STK32B: variants seen among roughly 807,000 people sequenced by gnomAD.
The protein encoded by STK32B is serine/threonine-protein kinase 32B.
A neutral mutation model predicts 52.6 loss-of-function variants in STK32B; 43 were observed. The ratio of observed to expected loss-of-function variants is 0.82; its 90% CI spans 0.64 to 1.05. The LOEUF is 1.05. STK32B is among the 50% of genes least tolerant of loss of function. STK32B has a pLI of 0.00. For missense variants in STK32B, 621 were observed against 534.6 expected (o/e 1.16, Z -1.59); for synonymous variants, 238 against 204.3 (o/e 1.17, Z -1.41).
intron 1 of STK32B, among the ~76,000 whole-genome samples, chr4:5,060,357 T>G (rs898898660): frequency 6.6e-6 from 1 of 152,242 alleles, no homozygotes; most frequent in East Asian, 1.9e-4. Context: ...GGATCTGTAG[T>G]GATAACTCCT....
chr4:5,230,799 G>C (rs145170635), intron 3 of STK32B, among the ~76,000 whole-genome samples: 14 of 152,304 alleles, frequency 9.2e-5, no homozygotes, highest in African/African-American at 3.4e-4. Context: ...TTACAGAGGG[G>C]AGATGAATCC....
At position 5,287,426 on chromosome 4, in the gene STK32B, A is replaced by T. The variant is rs545359275; in HGVS notation, c.261-43794A>T. Among the ~76,000 whole-genome samples the T allele has an allele frequency of 1.0e-3, 152 of 152,308 alleles. 1 individual carries two copies. The highest frequency in any genetic ancestry group is 3.5e-3 in the African/African-American group (146 of 41,574). ...GCCAATTGGACACCCATTTTAAAAG[A>T]AACTCTTCAAGCCTTTTGCCCATTT... On this transcript the variant is annotated intron_variant, in intron 3 of 11. Coordinates refer to ENST00000282908, the MANE Select transcript of STK32B (RefSeq NM_018401.3).
chr4:5,331,357 C>A lies in STK32B; in HGVS notation c.398C>A (p.Ala133Asp). ...CTCTACATCTGTGAGCTGGCACTGG[C>A]CCTGGAGTATCTTCAGAGGTACCAC... ...VKLYICELAL[A>D]LEYLQRYHII... Residue 133 changes from alanine to aspartate, a missense_variant, in exon 4 of 12, where the codon GCC becomes GAC. Ala to Asp is a moderately radical substitution (Grantham distance 126, BLOSUM62 -2). Coordinates refer to ENST00000282908, the MANE Select transcript of STK32B (RefSeq NM_018401.3). 6.2e-7 allele frequency: 1 copy of A among 1,613,462 alleles called. No individual in the cohort carries two copies.
chr4:5,480,022 G>A (rs1018662083), intron 11 of STK32B, among the ~76,000 whole-genome samples: 3 of 152,118 alleles, frequency 2.0e-5, no homozygotes, highest in African/African-American at 7.2e-5. Context: ...GTATTAATAT[G>A]TACTTCATAG....
At chr4:5,387,082 G>A (rs1380811685) in intron 4 of STK32B, among the ~76,000 whole-genome samples, 1 of 152,190 alleles carries the variant, frequency 6.6e-6, no homozygotes, top group Non-Finnish European at 1.5e-5. Context: ...CGAGAGCTGG[G>A]CGGTGGCCCC....
intron 11 of STK32B, among the ~76,000 whole-genome samples, chr4:5,481,114 G>A (rs184195954): frequency 6.6e-6 from 1 of 152,064 alleles, no homozygotes; most frequent in African/African-American, 2.4e-5. Context: ...GGAATTGCTG[G>A]GTCAAATGTT....
chr4:5,089,080 A>G (rs1712900333), intron 1 of STK32B, among the ~76,000 whole-genome samples: 1 of 152,154 alleles, frequency 6.6e-6, no homozygotes, highest in South Asian at 2.1e-4. Context: ...GATGACTGAA[A>G]GTACTAAAAT....
intron 3 of STK32B, among the ~76,000 whole-genome samples, chr4:5,197,797 T>A (rs755302497): frequency 5.3e-5 from 8 of 152,362 alleles, no homozygotes; most frequent in Non-Finnish European, 1.0e-4. Context: ...TATCAGAAGC[T>A]TTTTGAAAAA....
intron 3 of STK32B, among the ~76,000 whole-genome samples, chr4:5,262,921 C>T (rs1310953018): frequency 6.6e-6 from 1 of 152,088 alleles, no homozygotes; most frequent in Non-Finnish European, 1.5e-5. Flanking sequence ...AAAGTAAAAT[C>T]ATTGAGTTGG....
In STK32B at chr4:5,110,272, C is replaced by CAA. The variant is rs367760309; in HGVS notation, c.53-29616_53-29615dup. ...AAAAATCCTAAAATTCATATGGAAC[C>CAA]AAAAAAAAAAAAAAAAAAGCGCAAA... On this transcript the variant is annotated intron_variant, in intron 1 of 11. Transcript: ENST00000282908. 3.5e-3 allele frequency among the ~76,000 whole-genome samples: 373 copies of CAA among 106,710 alleles called. 4 individuals are homozygous for CAA. The highest frequency in any genetic ancestry group is 9.1e-3 in the African/African-American group (263 of 29,046). 70.0% of individuals were successfully genotyped at this position (106,710 alleles called of 152,430 possible).
intron 3 of STK32B, among the ~76,000 whole-genome samples, chr4:5,173,399 G>A (rs1011051817): frequency 1.1e-4 from 17 of 152,050 alleles, no homozygotes; most frequent in East Asian, 7.7e-4. Context: ...TGATGTTAGC[G>A]TGTCAATTTT....
At chr4:5,283,808 G>C (rs764638222) in intron 3 of STK32B, among the ~76,000 whole-genome samples, 3 of 152,142 alleles carry the variant, frequency 2.0e-5, no homozygotes, top group Non-Finnish European at 4.4e-5. Context: ...ATCACCATTA[G>C]ACCTGCAGAA....
chr4:5,139,761 G>A, intron 1 of STK32B, 144 bp from the exon 2 acceptor site: 2 of 799,392 alleles, frequency 2.5e-6, no homozygotes, highest in Non-Finnish European at 2.1e-6. Flanking sequence ...CTGTGGATAA[G>A]GGTGGACGGC....
the STK32B span, among the ~76,000 whole-genome samples, chr4:5,046,440 C>G: frequency 6.6e-6 from 1 of 152,170 alleles, no homozygotes; most frequent in Non-Finnish European, 1.5e-5. Flanking sequence ...CTATACCATT[C>G]AGGACATAAG....
At chr4:5,415,791 T>C (rs1250112285) in intron 5 of STK32B, among the ~76,000 whole-genome samples, 1 of 152,194 alleles carries the variant, frequency 6.6e-6, no homozygotes, top group South Asian at 2.1e-4. Context: ...GGTGCTTTTT[T>C]TGTCCACTGT....
chr4:5,128,156 T>C (rs1277467335), intron 1 of STK32B, among the ~76,000 whole-genome samples: 1 of 152,198 alleles, frequency 6.6e-6, no homozygotes, highest in Non-Finnish European at 1.5e-5. Flanking sequence ...CCCTAGCACC[T>C]TCACAGGGAG....
chr4:5,051,903 G>C lies in STK32B; in HGVS notation c.40G>C (p.Glu14Gln). ...CTCCCACAAGCCCCCCGTGTTTGAC[G>C]AGAATGAGGAAGGTAAGAGAGCGAG... ...NHSHKPPVFD[E>Q]NEEVNFDHFQ... The change falls in exon 1 of 12, where the codon GAG (glutamate) becomes CAG (glutamine). Residue 14 changes from glutamate to glutamine, a missense_variant. Coordinates refer to ENST00000282908, the MANE Select transcript of STK32B (RefSeq NM_018401.3). 1 of 1,598,416 alleles carries C rather than the reference G, an allele frequency of 6.3e-7. No homozygotes were observed. The highest frequency in any genetic ancestry group is 1.1e-5 in the South Asian group (1 of 88,068).
intron 8 of STK32B, among the ~76,000 whole-genome samples, 160 bp from the exon 9 acceptor site, chr4:5,459,943 C>A (rs1424793556): frequency 6.6e-6 from 1 of 152,188 alleles, no homozygotes; most frequent in Non-Finnish European, 1.5e-5. Context: ...GAGATGAGTG[C>A]AGATGGCGCT....
intron 3 of STK32B, among the ~76,000 whole-genome samples, chr4:5,201,569 A>G (rs1722148805): frequency 6.6e-6 from 1 of 152,238 alleles, no homozygotes; most frequent in Non-Finnish European, 1.5e-5. Context: ...CAGGACATGT[A>G]TTAGTTTGTT....
Sources: allele counts gnomAD v4.1 joint callset (sites outside exome capture counted in the v4.1 genomes callset), GRCh38; gene constraint gnomAD v4.1.1; transcripts MANE v1.5; gene names NCBI Gene and HGNC (gene_info 2026-07-23, HGNC 2026-07-21).